ITGA9: variants seen among roughly 807,000 people sequenced by gnomAD.
ITGA9 encodes integrin alpha-9.
Under a neutral mutation model 127.8 loss-of-function variants are expected in ITGA9, and 56 were observed. The ratio of observed to expected loss-of-function variants is 0.44; its 90% CI spans 0.35 to 0.55. The LOEUF (loss-of-function observed/expected upper bound fraction) is 0.55. ITGA9 is among the 20% of genes least tolerant of loss of function. The pLI is 0.00. For synonymous variants in ITGA9, 508 were observed against 514.5 expected (o/e 0.99, Z 0.17); for missense variants, 1,196 against 1,347.1 (o/e 0.89, Z 1.76).
intron 15 of ITGA9, among the ~76,000 whole-genome samples, chr3:37,611,413 C>T (rs1700015004): frequency 6.6e-6 from 1 of 152,082 alleles, no homozygotes; most frequent in Non-Finnish European, 1.5e-5. Flanking sequence ...GAGAGAATGT[C>T]CCTTGGATCC....
intron 5 of ITGA9, among the ~76,000 whole-genome samples, chr3:37,497,739 A>G (rs1698745915): frequency 6.6e-6 from 1 of 152,142 alleles, no homozygotes; most frequent in East Asian, 1.9e-4. Flanking sequence ...TTGTGTGACA[A>G]CTATGGCTGT....
At chr3:37,501,266 C>T (rs1029268224) in intron 5 of ITGA9, among the ~76,000 whole-genome samples, 2 of 152,154 alleles carry the variant, frequency 1.3e-5, no homozygotes, top group African/African-American at 4.8e-5. Context: ...CTGATGGATA[C>T]AAGCACAGCC....
At chr3:37,635,214 A>C (rs770594218) in intron 16 of ITGA9, among the ~76,000 whole-genome samples, 3 of 152,198 alleles carry the variant, frequency 2.0e-5, no homozygotes, top group Non-Finnish European at 4.4e-5. Flanking sequence ...TAATCATGAC[A>C]CTTGTCTTGG....
chr3:37,772,017 C>T (rs188048888), intron 23 of ITGA9, among the ~76,000 whole-genome samples: 2 of 152,252 alleles, frequency 1.3e-5, no homozygotes, highest in Admixed American at 6.5e-5. Flanking sequence ...AGCTGTGTGA[C>T]GTGTGTCCCA....
At chr3:37,469,195 G>C (rs1387072048) in intron 1 of ITGA9, among the ~76,000 whole-genome samples, 21 of 152,176 alleles carry the variant, frequency 1.4e-4, no homozygotes, top group Admixed American at 1.3e-3. Context: ...TGTAGCCGGG[G>C]GATGCTCCTG....
intron 15 of ITGA9, among the ~76,000 whole-genome samples, chr3:37,576,022 G>T (rs1559540591): frequency 6.6e-6 from 1 of 152,196 alleles, no homozygotes; most frequent in Non-Finnish European, 1.5e-5. Context: ...AGCCATGAAG[G>T]GCTCGGCCAT....
Position 37,453,237 on chromosome 3 carries a change from GT to G in ITGA9, c.185+680del, listed in dbSNP as rs1204915740. ...AGTGACACCGCCGGTGGGGCAGGTA[GT>G]TATCTCTTGGGAGAGCCTGAGTCTC... On this transcript the variant is annotated intron_variant, in intron 1 of 27. Transcript: ENST00000264741. 5.3e-5 allele frequency among the ~76,000 whole-genome samples: 8 copies of G among 152,264 alleles called. No homozygotes were observed. In the East Asian group the frequency reaches 1.6e-3, roughly 30 times the overall value.
chr3:37,790,040 C>G, intron 26 of ITGA9: 1 of 562,566 alleles, frequency 1.8e-6, no homozygotes, highest in South Asian at 1.5e-5. Context: ...GCTATTTTCT[C>G]AGCAGTCCAT....
chr3:37,474,550 C>T (rs1033330684), intron 3 of ITGA9, among the ~76,000 whole-genome samples: 2 of 151,954 alleles, frequency 1.3e-5, no homozygotes, highest in Non-Finnish European at 2.9e-5. Flanking sequence ...TGGGTTTTCA[C>T]GCATGTACAC....
intron 16 of ITGA9, among the ~76,000 whole-genome samples, chr3:37,650,913 A>C (rs1700423511): frequency 6.6e-6 from 1 of 152,202 alleles, no homozygotes; most frequent in South Asian, 2.1e-4. Context: ...GACAGTGACG[A>C]GTGCTATTAT....
At chr3:37,532,625 G>C (rs896588185) in intron 13 of ITGA9, among the ~76,000 whole-genome samples, 1 of 103,452 alleles carries the variant, frequency 9.7e-6, no homozygotes, top group African/African-American at 3.1e-5. Flanking sequence ...TCCTTGGGGA[G>C]CCCACAGGTG....
intron 16 of ITGA9, among the ~76,000 whole-genome samples, chr3:37,651,417 C>T (rs1266907887): frequency 6.6e-6 from 1 of 152,174 alleles, no homozygotes; most frequent in Non-Finnish European, 1.5e-5. Flanking sequence ...TAAGCTGGGG[C>T]ATCCACCATT....
chr3:37,466,513 A>AG (rs1698373424), intron 1 of ITGA9, among the ~76,000 whole-genome samples: 1 of 149,692 alleles, frequency 6.7e-6, no homozygotes. Context: ...AAAAAAAAAA[A>AG]GGGCCTTTGA....
At position 37,823,186 on chromosome 3, in the gene ITGA9, C is replaced by T. The variant is rs190042213; in HGVS notation, c.*4197C>T. 1.3e-5 allele frequency: 2 copies of T among 152,342 alleles called. No homozygotes were observed. The highest frequency in any genetic ancestry group is 6.5e-5 in the Admixed American group (1 of 15,302). The allele number at this position is 152,342 out of a possible 1,614,324, so 9.4% of individuals were successfully genotyped here. On this transcript the variant is annotated 3_prime_UTR_variant, in exon 28 of 28. Coordinates refer to ENST00000264741, the MANE Select transcript of ITGA9 (RefSeq NM_002207.3). ...CTTTATAGCACAATGATCTAGATTT[C>T]AGACTGTGTTAAGGTTTTTTCTTTG...
intron 26 of ITGA9, among the ~76,000 whole-genome samples, chr3:37,800,815 G>C (rs1270013657): frequency 6.6e-6 from 1 of 152,186 alleles, no homozygotes. Context: ...ATACTGTACA[G>C]CAGTGAGAGT....
At chr3:37,647,661 G>C (rs371356331) in intron 16 of ITGA9, among the ~76,000 whole-genome samples, 1 of 151,606 alleles carries the variant, frequency 6.6e-6, no homozygotes, top group Non-Finnish European at 1.5e-5. Flanking sequence ...GTAACTATCA[G>C]AGTTTCACTT....
chr3:37,602,712 G>C (rs1365973367), intron 15 of ITGA9, among the ~76,000 whole-genome samples: 1 of 152,016 alleles, frequency 6.6e-6, no homozygotes, highest in Non-Finnish European at 1.5e-5. Flanking sequence ...ATGGCATTTT[G>C]TATTACCAAG....
Position 37,503,299 on chromosome 3 carries a change from C to T in ITGA9, c.734C>T (p.Thr245Ile). 1.2e-6 allele frequency: 2 copies of T among 1,614,068 alleles called. No individual in the cohort carries two copies. Among genetic ancestry groups the T allele is most frequent in the Non-Finnish European group, 1.7e-6 (2 of 1,179,974 alleles). The part of the protein sequence containing the change: ...NDEVIMNRRY[T>I]YLGYAVTAGH... ...GAAGTGATCATGAACAGGCGGTACA[C>T]CTACCTGGGTGAGTACTCAGGGAGA... Residue 245 changes from threonine to isoleucine, a missense_variant, in exon 6 of 28, where the codon ACC becomes ATC. By Grantham distance (89) the Thr-to-Ile change is moderately conservative. Coordinates refer to ENST00000264741, the MANE Select transcript of ITGA9 (RefSeq NM_002207.3).
chr3:37,706,145 C>T (rs761399879), intron 18 of ITGA9, among the ~76,000 whole-genome samples: 3 of 152,264 alleles, frequency 2.0e-5, no homozygotes, highest in East Asian at 3.9e-4. Context: ...TCATTTTTTA[C>T]ACTCTGGTTC....
Sources: gnomAD v4.1 joint callset for allele counts (sites outside exome capture counted in the v4.1 genomes callset) on GRCh38, gnomAD v4.1.1 for gene constraint, MANE v1.5 for transcripts, NCBI Gene and HGNC (gene_info 2026-07-23, HGNC 2026-07-21) for gene names.